The following KIAA1217 variants were observed in gnomAD, a reference collection of about 807,000 sequenced individuals.
KIAA1217 encodes KIAA1217.
Under a neutral mutation model 163.9 loss-of-function variants are expected in KIAA1217, and 88 were observed. That is an observed-to-expected ratio of 0.54 (90% CI 0.45 to 0.64). The LOEUF (loss-of-function observed/expected upper bound fraction) is 0.64, where lower values mean the gene tolerates loss of function less well. KIAA1217 is among the 30% of genes least tolerant of loss of function. The probability of loss-of-function intolerance (pLI) is 0.00; values close to 1 mark genes in which losing one functional copy is unlikely to be tolerated. For missense variants in KIAA1217, 2,372 were observed against 2,475.0 expected (o/e 0.96, Z 0.88); for synonymous variants, 903 against 923.1 (o/e 0.98, Z 0.39).
intron 3 of KIAA1217, among the ~76,000 whole-genome samples, chr10:24,410,575 G>A (rs934928488): frequency 9.9e-5 from 15 of 152,128 alleles, no homozygotes; most frequent in African/African-American, 3.1e-4. Flanking sequence ...TGTGCTGAAA[G>A]GAGAACTTTG....
chr10:24,317,754 G>A (rs1015819016), intron 2 of KIAA1217, among the ~76,000 whole-genome samples: 1 of 152,134 alleles, frequency 6.6e-6, no homozygotes, highest in East Asian at 1.9e-4. Context: ...CATTCCTGTA[G>A]ACTAAAAGAA....
At chr10:24,500,737 A>G (rs1023099498) in intron 8 of KIAA1217, among the ~76,000 whole-genome samples, 1 of 152,202 alleles carries the variant, frequency 6.6e-6, no homozygotes. Flanking sequence ...GAATTTTAAA[A>G]TTAGTTTTCT....
intron 2 of KIAA1217, among the ~76,000 whole-genome samples, chr10:24,033,126 A>C (rs753764218): frequency 2.6e-5 from 4 of 152,244 alleles, no homozygotes; most frequent in Non-Finnish European, 4.4e-5. Flanking sequence ...AAATAATTTT[A>C]AGATTCTTTT....
At chr10:23,829,223 A>G (rs1213413521) in intron 1 of KIAA1217, among the ~76,000 whole-genome samples, 1 of 152,206 alleles carries the variant, frequency 6.6e-6, no homozygotes, top group Non-Finnish European at 1.5e-5. Context: ...GTGGAAGAAT[A>G]GGATGAAATT....
chr10:23,765,464 C>T (rs1284385669), intron 1 of KIAA1217, among the ~76,000 whole-genome samples: 6 of 152,048 alleles, frequency 3.9e-5, no homozygotes, highest in African/African-American at 7.2e-5. Flanking sequence ...TGAGCCACCA[C>T]GCCCGGTCTT....
At chr10:24,021,512 C>T (rs768226394) in intron 2 of KIAA1217, among the ~76,000 whole-genome samples, 14 of 151,938 alleles carry the variant, frequency 9.2e-5, no homozygotes, top group Non-Finnish European at 1.8e-4. Context: ...GTCAGAATGT[C>T]TGTTATTCCC....
At chr10:24,127,163 T>C (rs2063498487) in intron 2 of KIAA1217, among the ~76,000 whole-genome samples, 1 of 152,192 alleles carries the variant, frequency 6.6e-6, no homozygotes, top group Non-Finnish European at 1.5e-5. Flanking sequence ...TGCTAGCTTC[T>C]GTCCAAATGT....
chr10:23,932,374 C>A (rs1204531639), intron 1 of KIAA1217, among the ~76,000 whole-genome samples: 2 of 151,716 alleles, frequency 1.3e-5, no homozygotes, highest in African/African-American at 4.8e-5. Context: ...CCCATATGTG[C>A]CCAGCAAAAT....
intron 1 of KIAA1217, among the ~76,000 whole-genome samples, chr10:23,945,314 A>T (rs1409040143): frequency 6.6e-6 from 1 of 152,214 alleles, no homozygotes; most frequent in African/African-American, 2.4e-5. Flanking sequence ...GTAAATATTG[A>T]TACCTGCAAC....
Position 23,706,708 on chromosome 10 carries a change from A to G in KIAA1217, c.-321+11474A>G, listed in dbSNP as rs149855470. The stretch of plus-strand genomic sequence containing the variant: ...ATATTCATAAGAGATATTGGTCTGT[A>G]ATTTTCTTGTGATATTTTTGTCTGG... On this transcript the variant is annotated intron_variant, in intron 1 of 18. Transcript: ENST00000376462. Among the ~76,000 whole-genome samples, 3 of 152,230 alleles carry G rather than the reference A, an allele frequency of 2.0e-5. No individual in the cohort carries two copies. The East Asian group carries it at 5.8e-4, about 29-fold the overall frequency.
At position 24,536,852 on chromosome 10, in the gene KIAA1217, G is replaced by A; in HGVS notation, c.3493G>A (p.Asp1165Asn). Residue 1165 changes from aspartate (D) to asparagine (N), a missense_variant, in exon 17 of 21, where the codon GAC becomes AAC. By Grantham distance (23) the Asp-to-Asn change is conservative. This residue lies in a region of KIAA1217 where 251 missense variants were observed against 327.3 expected (regional missense o/e 0.77). Transcript: ENST00000376454. ...EPSRADSHVK[D>N]TRSGATVPPK... ...ATCCCGGGCTGACAGTCACGTTAAA[G>A]ACACTAGGTCGGGCGCCACAGTGCC... is the stretch of plus-strand genomic sequence containing the variant. 1 of 1,614,084 alleles carries A rather than the reference G, an allele frequency of 6.2e-7. No homozygotes were observed. Among genetic ancestry groups the A allele is most frequent in the Non-Finnish European group, 8.5e-7 (1 of 1,180,010 alleles).
Position 23,883,555 on chromosome 10 carries a change from A to G in KIAA1217, c.-320-123670A>G, listed in dbSNP as rs982525808. On this transcript the variant is annotated intron_variant, in intron 1 of 18. Coordinates refer to the KIAA1217 transcript ENST00000376462. Reference sequence around the variant, plus strand: ...CATACACCCCTGTCCTGACACATGCATAGCGTCTCCCATTAGCAACGTTCT... The same window carrying G: ...CATACACCCCTGTCCTGACACATGCGTAGCGTCTCCCATTAGCAACGTTCT... 8.6e-5 allele frequency among the ~76,000 whole-genome samples: 13 copies of G among 152,018 alleles called. 1 individual carries two copies. The highest frequency in any genetic ancestry group is 7.2e-4 in the Admixed American group (11 of 15,256).
At chr10:23,743,928 C>G (rs1040531378) in intron 1 of KIAA1217, among the ~76,000 whole-genome samples, 2 of 151,702 alleles carry the variant, frequency 1.3e-5, no homozygotes, top group African/African-American at 4.9e-5. Flanking sequence ...TCTGAGAACC[C>G]AGGAGAGGGA....
chr10:23,991,264 G>A (rs189492275), intron 1 of KIAA1217, among the ~76,000 whole-genome samples: 2 of 152,240 alleles, frequency 1.3e-5, no homozygotes, highest in East Asian at 1.9e-4. Flanking sequence ...TTGTACACTC[G>A]ATTGTTCAGT....
intron 1 of KIAA1217, among the ~76,000 whole-genome samples, chr10:23,928,196 G>A (rs1245985460): frequency 6.6e-6 from 1 of 152,154 alleles, no homozygotes; most frequent in Non-Finnish European, 1.5e-5. Context: ...GCTCCTTCGA[G>A]CAGCACAGGG....
At chr10:23,883,250 T>C (rs1191190421) in intron 1 of KIAA1217, among the ~76,000 whole-genome samples, 1 of 151,936 alleles carries the variant, frequency 6.6e-6, no homozygotes, top group African/African-American at 2.4e-5. Flanking sequence ...CCTAACTCAC[T>C]CTTTACCTTG....
rs545247466 is a variant in KIAA1217, at chr10:23,708,105, A to C, written c.-321+12871A>C. 7.9e-5 allele frequency among the ~76,000 whole-genome samples: 12 copies of C among 152,290 alleles called. 1 individual carries two copies. The highest frequency in any genetic ancestry group is 2.9e-4 in the African/African-American group (12 of 41,558). ...ACAATCATGGCAGAAGACAAAAGGT[A>C]CCTCTTACATGGCAGCAGACAAGAG... On this transcript the variant is annotated intron_variant, in intron 1 of 18. Coordinates refer to the KIAA1217 transcript ENST00000376462.
In KIAA1217 at chr10:24,546,430, G is replaced by C; in HGVS notation, c.*106G>C. On this transcript the variant is annotated 3_prime_UTR_variant, in exon 21 of 21. Transcript: ENST00000376454. ...TGTAACATATTGCTGTATCGTTTGAGGCTTAATGCTAAATATGTGCTAAAT... is the reference window on the plus strand; with the variant it reads ...TGTAACATATTGCTGTATCGTTTGACGCTTAATGCTAAATATGTGCTAAAT... 1 of 1,131,364 alleles carries C rather than the reference G, an allele frequency of 8.8e-7. No individual in the cohort carries two copies. The highest frequency in any genetic ancestry group is 1.6e-5 in the African/African-American group (1 of 63,956). 70.1% of individuals were successfully genotyped at this position (1,131,364 alleles called of 1,614,324 possible).
chr10:23,916,584 G>A (rs944474888), intron 1 of KIAA1217, among the ~76,000 whole-genome samples: 6 of 151,956 alleles, frequency 3.9e-5, no homozygotes, highest in African/African-American at 1.4e-4. Flanking sequence ...CACTAAATAT[G>A]AAAGTATTTC....
Sources: gnomAD v4.1 joint callset for allele counts (sites outside exome capture counted in the v4.1 genomes callset) on GRCh38, gnomAD v4.1.1 for gene constraint, gnomAD v4.1.1 regional missense constraint, MANE v1.5 for transcripts, NCBI Gene and HGNC (gene_info 2026-07-23, HGNC 2026-07-21) for gene names.